Variants in NSRP1 observed in about 807,000 individuals in gnomAD.
The protein encoded by NSRP1 is coiled-coil domain containing 55.
In NSRP1, 24 loss-of-function variants were observed where a neutral mutation model predicts 54.7. That is an observed-to-expected ratio of 0.44 (90% CI 0.32 to 0.62). The LOEUF is 0.62. NSRP1 is among the 20% of genes least tolerant of loss of function. NSRP1 has a pLI of 0.06. For synonymous variants in NSRP1, 210 were observed against 213.8 expected, an observed-to-expected ratio of 0.98 and a Z score of 0.15; for missense variants, 596 against 651.2, an observed-to-expected ratio of 0.92 and a Z score of 0.92.
intron 2 of NSRP1, among the ~76,000 whole-genome samples, chr17:30,126,504 C>T (rs1449155893): frequency 6.6e-6 from 1 of 152,188 alleles, no homozygotes; most frequent in African/African-American, 2.4e-5. Context: ...TAAAAGCTTG[C>T]ATTATAAGTT....
At chr17:30,122,026 A>G (rs1345210364) in intron 2 of NSRP1, among the ~76,000 whole-genome samples, 1 of 151,978 alleles carries the variant, frequency 6.6e-6, no homozygotes, top group African/African-American at 2.4e-5. Flanking sequence ...GGGTTTCCCT[A>G]TTCTGCACAT....
chr17:30,185,042 G>C lies in NSRP1; in HGVS notation c.1045G>C (p.Ala349Pro). Residue 349 changes from alanine (A) to proline (P), a missense_variant, in exon 7 of 7, where the codon GCC becomes CCC. Coordinates refer to ENST00000247026, the MANE Select transcript of NSRP1 (RefSeq NM_032141.4). ...KERDSHRHRE[A>P]SHRDSHWKRH... ...AAGGGATTCTCATAGGCACAGAGAG[G>C]CCAGTCATAGAGATTCCCATTGGAA... 1.2e-6 allele frequency: 2 copies of C among 1,614,124 alleles called. No homozygotes were observed. The highest frequency in any genetic ancestry group is 8.5e-7 in the Non-Finnish European group (1 of 1,180,020).
At chr17:30,146,398 T>C (rs181508870) in intron 2 of NSRP1, among the ~76,000 whole-genome samples, 1 of 152,330 alleles carries the variant, frequency 6.6e-6, no homozygotes, top group African/African-American at 2.4e-5. Flanking sequence ...ATTTAGACTT[T>C]TTAAATTTTA....
intron 2 of NSRP1, among the ~76,000 whole-genome samples, chr17:30,135,449 GTGT>G (rs1317305783): frequency 5.3e-5 from 8 of 150,470 alleles, no homozygotes; most frequent in Non-Finnish European, 1.5e-5. Context: ...CTTAGGTAGG[GTGT>G]TGTTGGCACC....
chr17:30,172,010 T>TCA (rs1315400765), intron 2 of NSRP1, among the ~76,000 whole-genome samples: 3 of 131,420 alleles, frequency 2.3e-5, no homozygotes, highest in East Asian at 6.8e-4. Flanking sequence ...TCTCTCTCTC[T>TCA]CTCTCACATG....
chr17:30,150,352 T>A (rs1394500799), intron 2 of NSRP1: 1 of 151,648 alleles, frequency 6.6e-6, no homozygotes, highest in Admixed American at 6.6e-5. Context: ...GTGCTGGGAT[T>A]ACAGGTGTGA....
intron 2 of NSRP1, among the ~76,000 whole-genome samples, chr17:30,138,921 T>G (rs1047899386): frequency 3.6e-4 from 48 of 133,860 alleles, no homozygotes; most frequent in African/African-American, 8.4e-4. Flanking sequence ...TTTTTTTTTT[T>G]TTTTTTTTTT....
chr17:30,163,728 C>G (rs572730765), intron 2 of NSRP1, among the ~76,000 whole-genome samples: 5 of 138,996 alleles, frequency 3.6e-5, no homozygotes, highest in Non-Finnish European at 7.6e-5. Flanking sequence ...GTCACCCAGG[C>G]TAGAGTGCAG....
intron 4 of NSRP1, among the ~76,000 whole-genome samples, chr17:30,178,453 C>T (rs1293559418): frequency 6.6e-6 from 1 of 152,086 alleles, no homozygotes; most frequent in African/African-American, 2.4e-5. Context: ...GAAAACTTTT[C>T]CTTGGAATTC....
chr17:30,161,353 T>G lies in NSRP1; in HGVS notation c.115-11189T>G, dbSNP rs72825891. 3.9e-3 allele frequency among the ~76,000 whole-genome samples: 598 copies of G among 152,312 alleles called. 1 individual carries two copies. Among genetic ancestry groups the G allele is most frequent in the Non-Finnish European group, 7.3e-3 (500 of 68,030 alleles). On this transcript the variant is annotated intron_variant, in intron 2 of 6. Transcript: ENST00000247026. ...TACTAGGTTTCTATATATGCTTGTG[T>G]TCATTTTTGTCTCTTGTCTGTGGAT...
At chr17:30,137,339 T>G (rs1158136002) in intron 2 of NSRP1, among the ~76,000 whole-genome samples, 1 of 152,242 alleles carries the variant, frequency 6.6e-6, no homozygotes, top group Admixed American at 6.5e-5. Flanking sequence ...GAGAGTATAC[T>G]TCCTACCTTC....
At chr17:30,163,544 CA>C (rs1462168800) in intron 2 of NSRP1, among the ~76,000 whole-genome samples, 1 of 151,716 alleles carries the variant, frequency 6.6e-6, no homozygotes, top group East Asian at 1.9e-4. Context: ...GACTGCTATT[CA>C]AAATGAAGCA....
intron 3 of NSRP1, among the ~76,000 whole-genome samples, chr17:30,176,616 C>CA (rs1355755708): frequency 1.6e-5 from 2 of 121,236 alleles, no homozygotes; most frequent in Non-Finnish European, 3.7e-5. Flanking sequence ...TCCCCCCCCC[C>CA]CCAAAAAAAA....
intron 2 of NSRP1, among the ~76,000 whole-genome samples, chr17:30,130,779 G>A (rs2071692411): frequency 6.6e-6 from 1 of 151,998 alleles, no homozygotes; most frequent in African/African-American, 2.4e-5. Context: ...GGAATACACT[G>A]TTTCTTTTTC....
At chr17:30,134,741 A>G (rs144043758) in intron 2 of NSRP1, among the ~76,000 whole-genome samples, 1,851 of 152,284 alleles carry the variant, frequency 0.012, 27 homozygotes, top group South Asian at 0.041. Context: ...GTTTGTTCAT[A>G]ATGGAATTTC....
In NSRP1 at chr17:30,149,622, G is replaced by A. The variant is rs569910312; in HGVS notation, c.115-22920G>A. On this transcript the variant is annotated intron_variant, in intron 2 of 6. Transcript: ENST00000247026. ...GAGGCAGGAGGATTGCTTGAGCCCA[G>A]GAGTTCAAGACTAGCGGGGGAAACA... 7.2e-5 allele frequency among the ~76,000 whole-genome samples: 11 copies of A among 152,174 alleles called. No individual in the cohort carries two copies. The South Asian group carries it at 2.3e-3, about 32-fold the overall frequency.
chr17:30,180,489 A>G (rs115512140), intron 5 of NSRP1, among the ~76,000 whole-genome samples: 3,576 of 152,334 alleles, frequency 0.023, 135 homozygotes, highest in African/African-American at 0.082. Flanking sequence ...AACCAAGTCT[A>G]TAACATTCTG....
At chr17:30,143,121 C>G (rs2071821284) in intron 2 of NSRP1, among the ~76,000 whole-genome samples, 1 of 152,142 alleles carries the variant, frequency 6.6e-6, no homozygotes, top group Non-Finnish European at 1.5e-5. Context: ...ATTACCCATT[C>G]CAACTTTACC....
intron 2 of NSRP1, among the ~76,000 whole-genome samples, chr17:30,169,217 C>T (rs529460035): frequency 1.3e-5 from 2 of 152,058 alleles, no homozygotes; most frequent in East Asian, 3.9e-4. Context: ...TTTTCTTTCC[C>T]AAGTTTTCTT....
Sources: gnomAD v4.1 joint callset for allele counts (sites outside exome capture counted in the v4.1 genomes callset) on GRCh38, gnomAD v4.1.1 for gene constraint, MANE v1.5 for transcripts, NCBI Gene and HGNC (gene_info 2026-07-23, HGNC 2026-07-21) for gene names.